Variants in GPHN observed in about 807,000 individuals in gnomAD.
The protein encoded by GPHN is gephyrin.
A neutral mutation model predicts 95.5 loss-of-function variants in GPHN; 17 were observed. The observed-to-expected ratio is 0.18, with a 90% CI of 0.12 to 0.27. The LOEUF (loss-of-function observed/expected upper bound fraction) is 0.27. GPHN is among the 10% of genes least tolerant of loss of function. The probability of loss-of-function intolerance (pLI) is 1.00; values close to 1 mark genes in which losing one functional copy is unlikely to be tolerated. For synonymous variants in GPHN, 320 were observed against 322.5 expected (o/e 0.99, Z 0.08); for missense variants, 660 against 978.1 (o/e 0.67, Z 4.34).
At chr14:66,747,261 C>A (rs909959097) in intron 2 of GPHN, among the ~76,000 whole-genome samples, 16 of 152,076 alleles carry the variant, frequency 1.1e-4, no homozygotes, top group Non-Finnish European at 1.9e-4. Context: ...GGAATCAGGA[C>A]CCCTAATTGA....
At chr14:67,215,879 C>G in the GPHN span, among the ~76,000 whole-genome samples, 56 of 152,206 alleles carry the variant, frequency 3.7e-4, no homozygotes, top group African/African-American at 1.3e-3. Flanking sequence ...ATCAAAATCT[C>G]ACAAAGTTAA....
At chr14:67,369,945 C>T in the GPHN span, among the ~76,000 whole-genome samples, 1 of 152,222 alleles carries the variant, frequency 6.6e-6, no homozygotes, top group African/African-American at 2.4e-5. Context: ...TCAGGGGTCT[C>T]ACAGCCTTCA....
At chr14:67,581,192 C>T in the GPHN span, among the ~76,000 whole-genome samples, 9 of 152,066 alleles carry the variant, frequency 5.9e-5, no homozygotes, top group African/African-American at 1.9e-4. Flanking sequence ...CAGGCGGGCT[C>T]TGCTGCTGAT....
the GPHN span, chr14:67,684,946 A>T: frequency 7.6e-7 from 1 of 1,309,118 alleles, no homozygotes. Context: ...AAAAGGGTAT[A>T]CCCAGACAAA....
chr14:66,567,912 T>C (rs946181101), intron 1 of GPHN, among the ~76,000 whole-genome samples: 3 of 152,202 alleles, frequency 2.0e-5, no homozygotes, highest in Admixed American at 6.5e-5. Flanking sequence ...ATTAACGAGC[T>C]CAAGTTAGTG....
the GPHN span, chr14:67,613,153 G>A: frequency 6.6e-6 from 1 of 152,190 alleles, no homozygotes; most frequent in African/African-American, 2.4e-5. Context: ...TTCACTGGGA[G>A]TGGCTGTGCA....
At chr14:67,671,609 G>T in the GPHN span, among the ~76,000 whole-genome samples, 2 of 152,132 alleles carry the variant, frequency 1.3e-5, no homozygotes, top group African/African-American at 4.8e-5. Context: ...AAAAAGGCTG[G>T]GTAGACAACA....
At chr14:67,345,757 T>C in the GPHN span, 120,704 of 1,594,212 alleles carry the variant, frequency 0.076, 13,975 homozygotes, top group East Asian at 0.41. Flanking sequence ...TCCAGGTCTT[T>C]TGCTACTTAC....
At chr14:67,701,620 C>T in the GPHN span, among the ~76,000 whole-genome samples, 1 of 151,836 alleles carries the variant, frequency 6.6e-6, no homozygotes, top group Non-Finnish European at 1.5e-5. Context: ...GATGAGGTTT[C>T]ACCATTTTGG....
intron 4 of GPHN, among the ~76,000 whole-genome samples, chr14:66,857,142 A>C (rs2062837226): frequency 6.6e-6 from 1 of 152,154 alleles, no homozygotes; most frequent in South Asian, 2.1e-4. Flanking sequence ...TTTGAATGTA[A>C]TGATATAATT....
chr14:67,374,742 G>C, the GPHN span: 1 of 401,382 alleles, frequency 2.5e-6, no homozygotes, highest in African/African-American at 2.0e-5. Flanking sequence ...CTTGTTTACA[G>C]TTGGAATGCC....
the GPHN span, among the ~76,000 whole-genome samples, chr14:67,595,086 G>A: frequency 1.3e-5 from 2 of 152,036 alleles, no homozygotes; most frequent in Non-Finnish European, 2.9e-5. Context: ...GCAGTGAGCC[G>A]AGATCGCGCC....
At chr14:66,995,258 C>A (rs1023234858) in intron 9 of GPHN, among the ~76,000 whole-genome samples, 1 of 152,160 alleles carries the variant, frequency 6.6e-6, no homozygotes, top group African/African-American at 2.4e-5. Flanking sequence ...AGTTCAGCAT[C>A]ATAAAGGTTA....
At chr14:66,852,462 AG>A (rs1055226522) in intron 4 of GPHN, among the ~76,000 whole-genome samples, 2 of 152,224 alleles carry the variant, frequency 1.3e-5, no homozygotes, top group African/African-American at 4.8e-5. Context: ...AAGAAAGGAA[AG>A]GGGGAGTTAA....
chr14:67,065,622 G>A (rs2076018705), intron 11 of GPHN, among the ~76,000 whole-genome samples: 1 of 152,010 alleles, frequency 6.6e-6, no homozygotes, highest in African/African-American at 2.4e-5. Context: ...CCTGTCTTGG[G>A]TGCATATATA....
At chr14:66,570,095 A>G (rs565713831) in intron 1 of GPHN, among the ~76,000 whole-genome samples, 2 of 152,162 alleles carry the variant, frequency 1.3e-5, no homozygotes, top group East Asian at 3.9e-4. Flanking sequence ...AATCTTGAGG[A>G]TATTATGTTG....
At chr14:67,470,652 G>A in the GPHN span, 1 of 152,770 alleles carries the variant, frequency 6.5e-6, no homozygotes. Context: ...CAGGACAAAA[G>A]GGCTTCATGG....
At chr14:67,348,571 G>T in the GPHN span, among the ~76,000 whole-genome samples, 2 of 151,820 alleles carry the variant, frequency 1.3e-5, no homozygotes, top group Non-Finnish European at 2.9e-5. Context: ...ACCCAGGCTG[G>T]AGTGCAGTGG....
chr14:67,661,527 AC>A, the GPHN span, among the ~76,000 whole-genome samples: 3 of 136,076 alleles, frequency 2.2e-5, no homozygotes, highest in Non-Finnish European at 4.7e-5. Context: ...AAGAACAGTA[AC>A]CTTTTTTTTT....
Sources: gnomAD v4.1 joint callset for allele counts (sites outside exome capture counted in the v4.1 genomes callset) on GRCh38, gnomAD v4.1.1 for gene constraint, MANE v1.5 for transcripts, NCBI Gene and HGNC (gene_info 2026-07-23, HGNC 2026-07-21) for gene names.